Variants in CAPZA2 observed in about 807,000 individuals in gnomAD.
CAPZA2 encodes F-actin-capping protein subunit alpha-2.
In CAPZA2, 13 loss-of-function variants were observed where a neutral mutation model predicts 44.0. That is an observed-to-expected ratio of 0.30 (90% confidence interval 0.19 to 0.47). The LOEUF (loss-of-function observed/expected upper bound fraction) is 0.47, where lower values mean the gene tolerates loss of function less well. Among genes scored for constraint, CAPZA2 ranks in the 20% least tolerant of loss-of-function variants. The probability of loss-of-function intolerance (pLI) is 1.00; values close to 1 mark genes in which losing one functional copy is unlikely to be tolerated. For synonymous variants in CAPZA2, 94 were observed against 108.2 expected (o/e 0.87, Z 0.81); for missense variants, 244 against 338.6 (o/e 0.72, Z 2.19).
chr7:116,917,495 G>C (rs1037853100), intron 9 of CAPZA2, among the ~76,000 whole-genome samples: 5 of 152,130 alleles, frequency 3.3e-5, no homozygotes, highest in African/African-American at 1.2e-4. Context: ...CTGACCTCGT[G>C]ATCCGCCCAC....
chr7:116,891,313 C>T (rs935244236), intron 2 of CAPZA2, among the ~76,000 whole-genome samples: 21 of 152,116 alleles, frequency 1.4e-4, no homozygotes, highest in African/African-American at 1.2e-4. Context: ...CATGCAATAT[C>T]GCTGTTCATT....
chr7:116,914,602 T>C (rs7778381), intron 8 of CAPZA2, among the ~76,000 whole-genome samples: 107,390 of 151,994 alleles, frequency 0.71, 38,051 homozygotes, highest in East Asian at 0.84. Flanking sequence ...GCTGGGACTA[T>C]AGGCGTGTGC....
At chr7:116,863,545 T>C (rs909297477) in intron 1 of CAPZA2, among the ~76,000 whole-genome samples, 1 of 152,254 alleles carries the variant, frequency 6.6e-6, no homozygotes, top group African/African-American at 2.4e-5. Flanking sequence ...AATAATTCAT[T>C]GAACTGCTGC....
chr7:116,883,577 G>T (rs1373416531), intron 1 of CAPZA2, among the ~76,000 whole-genome samples: 1 of 152,176 alleles, frequency 6.6e-6, no homozygotes, highest in East Asian at 1.9e-4. Context: ...CAGCCAGTCT[G>T]CTCCCTTGAC....
At chr7:116,871,418 A>C (rs1398952742) in intron 1 of CAPZA2, among the ~76,000 whole-genome samples, 1 of 152,224 alleles carries the variant, frequency 6.6e-6, no homozygotes, top group African/African-American at 2.4e-5. Flanking sequence ...TTTAACATGT[A>C]TTCTCTCTAT....
At position 116,916,228 on chromosome 7, in the gene CAPZA2, T is replaced by C. The variant is rs957841345; in HGVS notation, c.720+106T>C. ...AATTTTTCCATTGCATCAGTTAGAG[T>C]CTTTTTGTTGTGTGTCTGCTTTTAA... On this transcript the variant is annotated intron_variant, in intron 9 of 9. Transcript: ENST00000361183. The C allele has an allele frequency of 5.0e-6, 6 of 1,202,248 alleles. No individual in the cohort carries two copies. In the African/African-American group the frequency reaches 8.0e-5, roughly 16 times the overall value. The allele number at this position is 1,202,248 out of a possible 1,614,324, so 74.5% of individuals were successfully genotyped here.
At chr7:116,867,271 T>C (rs923157976) in intron 1 of CAPZA2, among the ~76,000 whole-genome samples, 3 of 152,124 alleles carry the variant, frequency 2.0e-5, no homozygotes, top group Admixed American at 1.3e-4. Flanking sequence ...TCAAGAAAAA[T>C]GTCTCATATC....
intron 8 of CAPZA2, among the ~76,000 whole-genome samples, chr7:116,913,015 C>T (rs1357176036): frequency 6.6e-6 from 1 of 152,098 alleles, no homozygotes; most frequent in African/African-American, 2.4e-5. Flanking sequence ...TTTTTATTTA[C>T]ATTTTCTTGA....
intron 9 of CAPZA2, among the ~76,000 whole-genome samples, chr7:116,916,507 C>T (rs892775862): frequency 3.3e-5 from 5 of 152,048 alleles, no homozygotes; most frequent in African/African-American, 4.8e-5. Context: ...CCTGTAGTGA[C>T]GAGTGCTACT....
At chr7:116,878,247 G>A (rs1299177443) in intron 1 of CAPZA2, among the ~76,000 whole-genome samples, 1 of 152,194 alleles carries the variant, frequency 6.6e-6, no homozygotes, top group Non-Finnish European at 1.5e-5. Flanking sequence ...AATGGAAATG[G>A]ATTACCTAGA....
At chr7:116,907,237 A>G (rs894696525) in intron 6 of CAPZA2, among the ~76,000 whole-genome samples, 20 of 152,320 alleles carry the variant, frequency 1.3e-4, no homozygotes, top group African/African-American at 4.8e-4. Context: ...TTAACCAAGA[A>G]TATTTGGAGG....
rs757716391 is a variant in CAPZA2, at chr7:116,910,014, A to C, written c.507-219A>C. On this transcript the variant is annotated intron_variant, in intron 6 of 9. Transcript: ENST00000361183. ...TTAGAATTCTGGCATTAAATCCATTATGTAAGTTCTTTCTTATCAGTAGGG... is the reference window on the plus strand; with the variant it reads ...TTAGAATTCTGGCATTAAATCCATTCTGTAAGTTCTTTCTTATCAGTAGGG... The C allele has an allele frequency of 7.7e-6, 4 of 519,056 alleles. No individual in the cohort carries two copies. The South Asian group carries it at 8.4e-5, about 11-fold the overall frequency. 32.2% of individuals were successfully genotyped at this position (519,056 alleles called of 1,614,324 possible). A position where few individuals can be genotyped will look rare whatever the true frequency, so the allele number is the denominator to read the frequency against.
At chr7:116,877,598 T>C (rs1796638895) in intron 1 of CAPZA2, among the ~76,000 whole-genome samples, 1 of 152,228 alleles carries the variant, frequency 6.6e-6, no homozygotes, top group African/African-American at 2.4e-5. Flanking sequence ...AAGTGTATTA[T>C]CTCATTTACT....
chr7:116,891,179 T>C (rs1464727757), intron 2 of CAPZA2, among the ~76,000 whole-genome samples: 1 of 152,236 alleles, frequency 6.6e-6, no homozygotes, highest in Admixed American at 6.5e-5. Flanking sequence ...TTATCCTCTT[T>C]TTATTTCTTC....
intron 8 of CAPZA2, 99 bp downstream of exon 8, chr7:116,912,239 ACCGTGTTT>A: frequency 6.6e-7 from 1 of 1,525,500 alleles, no homozygotes; most frequent in South Asian, 1.2e-5. Context: ...GCTTCAGATT[ACCGTGTTT>A]TCTGATAGAT....
intron 1 of CAPZA2, among the ~76,000 whole-genome samples, chr7:116,870,771 G>A (rs116029910): frequency 1.4e-3 from 216 of 152,254 alleles, no homozygotes; most frequent in African/African-American, 3.9e-3. Context: ...AAAAAAGATC[G>A]CCAATAGATT....
intron 8 of CAPZA2, 70 bp from the exon 9 acceptor site, chr7:116,915,990 T>C: frequency 2.0e-6 from 2 of 1,017,864 alleles, no homozygotes; most frequent in Non-Finnish European, 2.8e-6. Flanking sequence ...ACATTAACCA[T>C]ACATATATTT....
chr7:116,865,177 CTTTTTTTT>C (rs1011886318), intron 1 of CAPZA2, among the ~76,000 whole-genome samples: 7 of 87,990 alleles, frequency 8.0e-5, no homozygotes, highest in South Asian at 4.3e-4. Context: ...GCGCTCTCTT[CTTTTTTTT>C]TTTTTTTTTT....
intron 3 of CAPZA2, among the ~76,000 whole-genome samples, chr7:116,895,138 G>T (rs1796908251): frequency 6.6e-6 from 1 of 151,994 alleles, no homozygotes; most frequent in Admixed American, 6.6e-5. Context: ...CAGCGTTTTT[G>T]AACAATACTT....
Sources: allele counts gnomAD v4.1 joint callset (sites outside exome capture counted in the v4.1 genomes callset), GRCh38; gene constraint gnomAD v4.1.1; transcripts MANE v1.5; gene names NCBI Gene and HGNC (gene_info 2026-07-23, HGNC 2026-07-21).